The following SCRG1 variants were observed in gnomAD, a reference collection of about 807,000 sequenced individuals.
SCRG1 encodes scrapie-responsive protein 1.
A neutral mutation model predicts 7.7 loss-of-function variants in SCRG1; 3 were observed. The ratio of observed to expected loss-of-function variants is 0.39; its 90% CI spans 0.18 to 1.01. The LOEUF (loss-of-function observed/expected upper bound fraction) is 1.01. Ranked by LOEUF, SCRG1 falls within the 50% of genes least tolerant of loss-of-function variation. The pLI is 0.36. For synonymous variants in SCRG1, 46 were observed against 41.2 expected (o/e 1.12, Z -0.44); for missense variants, 110 against 117.2 (o/e 0.94, Z 0.28).
At chr4:173,412,822 G>A in the SCRG1 span, among the ~76,000 whole-genome samples, 1 of 152,158 alleles carries the variant, frequency 6.6e-6, no homozygotes, top group African/African-American at 2.4e-5. Flanking sequence ...ACCAGAAGCA[G>A]CCAGCTGAAT....
the SCRG1 span, among the ~76,000 whole-genome samples, chr4:173,497,589 A>T: frequency 1.4e-5 from 2 of 145,436 alleles, no homozygotes; most frequent in South Asian, 2.2e-4. Context: ...AATTTTCAAC[A>T]TGGCAGAGAG....
chr4:173,480,196 C>T, the SCRG1 span, among the ~76,000 whole-genome samples: 1 of 152,046 alleles, frequency 6.6e-6, no homozygotes, highest in Non-Finnish European at 1.5e-5. Context: ...AATGTGTAAC[C>T]TGAATCAAGT....
chr4:173,452,666 A>G, the SCRG1 span, among the ~76,000 whole-genome samples: 3 of 152,152 alleles, frequency 2.0e-5, no homozygotes, highest in South Asian at 6.3e-4. Flanking sequence ...TCTTGCACAC[A>G]TGTATTTTTT....
At chr4:173,460,961 A>G in the SCRG1 span, among the ~76,000 whole-genome samples, 1 of 152,326 alleles carries the variant, frequency 6.6e-6, no homozygotes, top group East Asian at 1.9e-4. Flanking sequence ...GATGGTGCCT[A>G]CCAGGGGCAG....
At chr4:173,428,352 C>T in the SCRG1 span, among the ~76,000 whole-genome samples, 3 of 152,160 alleles carry the variant, frequency 2.0e-5, no homozygotes, top group Non-Finnish European at 4.4e-5. Context: ...ACTGGAGTAA[C>T]AGTTTGAAGC....
chr4:173,483,821 TAATA>T, the SCRG1 span, among the ~76,000 whole-genome samples: 20 of 23,462 alleles, frequency 8.5e-4, 7 homozygotes, highest in East Asian at 0.013. Context: ...GTAATATATA[TAATA>T]TATATAATAT....
the SCRG1 span, chr4:173,470,010 C>T: frequency 6.6e-6 from 1 of 151,932 alleles, no homozygotes; most frequent in Non-Finnish European, 1.5e-5. Flanking sequence ...CAGAGCATCT[C>T]TAGCCCAGGA....
the SCRG1 span, among the ~76,000 whole-genome samples, chr4:173,425,947 A>G: frequency 6.6e-6 from 1 of 152,170 alleles, no homozygotes; most frequent in South Asian, 2.1e-4. Flanking sequence ...CTAGCTGTCA[A>G]CACTCCCACT....
At chr4:173,450,125 T>A in the SCRG1 span, among the ~76,000 whole-genome samples, 3 of 152,050 alleles carry the variant, frequency 2.0e-5, no homozygotes, top group Non-Finnish European at 4.4e-5. Flanking sequence ...TGGTGAAAAG[T>A]GAAGGGGAAG....
chr4:173,484,175 T>C, the SCRG1 span, among the ~76,000 whole-genome samples: 1 of 78,684 alleles, frequency 1.3e-5, no homozygotes, highest in African/African-American at 5.0e-5. Context: ...ATATATAATA[T>C]ATAATATATT....
At chr4:173,485,037 T>A in the SCRG1 span, among the ~76,000 whole-genome samples, 412 of 22,216 alleles carry the variant, frequency 0.019, 73 homozygotes, top group African/African-American at 0.082. Context: ...TATTATATAT[T>A]ATATATTATA....
At chr4:173,508,053 T>G in the SCRG1 span, among the ~76,000 whole-genome samples, 1 of 151,850 alleles carries the variant, frequency 6.6e-6, no homozygotes, top group Admixed American at 6.6e-5. The surrounding 1 kb of genome is among the most constrained non-coding windows in gnomAD (Gnocchi z 4.4). Flanking sequence ...CAGTCCGCCC[T>G]GAGAAGAGAG....
upstream of SCRG1, among the ~76,000 whole-genome samples, chr4:173,408,862 G>A (rs1339612954): frequency 2.0e-5 from 3 of 151,800 alleles, no homozygotes; most frequent in South Asian, 2.1e-4. Context: ...ATGTGGTGGC[G>A]GGCGCCTGTG....
intron 1 of SCRG1, among the ~76,000 whole-genome samples, chr4:173,393,624 G>A (rs1157965146): frequency 6.6e-6 from 1 of 152,078 alleles, no homozygotes. Flanking sequence ...GTATATGTCT[G>A]TTAGGTCCAT....
intron 1 of SCRG1, among the ~76,000 whole-genome samples, chr4:173,394,644 CA>C (rs745945312): frequency 4.0e-4 from 51 of 126,542 alleles, no homozygotes; most frequent in East Asian, 1.6e-3. Flanking sequence ...GACTCCGTCT[CA>C]AAAAAAAAAT....
At chr4:173,475,096 A>C in the SCRG1 span, among the ~76,000 whole-genome samples, 1 of 152,112 alleles carries the variant, frequency 6.6e-6, no homozygotes, top group Admixed American at 6.5e-5. Flanking sequence ...ATTCAATTAA[A>C]CTATATCATC....
the SCRG1 span, among the ~76,000 whole-genome samples, chr4:173,491,614 G>A: frequency 6.6e-6 from 1 of 152,146 alleles, no homozygotes; most frequent in African/African-American, 2.4e-5. Context: ...TGCAAGTACA[G>A]GGTTCTAAGG....
chr4:173,426,980 T>C, the SCRG1 span, among the ~76,000 whole-genome samples: 3 of 152,230 alleles, frequency 2.0e-5, no homozygotes, highest in Admixed American at 2.0e-4. Context: ...AATTAAATTA[T>C]ATGCATGTTT....
chr4:173,388,311 A>G lies in SCRG1; in HGVS notation c.*30T>C. On this transcript the variant is annotated 3_prime_UTR_variant, in exon 3 of 3. Transcript: ENST00000296506. The stretch of plus-strand genomic sequence containing the variant: ...GTAGTGCAGTTTGTGGGAAATCAGG[A>G]ATGGTGTTCTCCAGAATACATGAAG... 1.3e-6 allele frequency: 2 copies of G among 1,560,602 alleles called. No individual in the cohort carries two copies. The highest frequency in any genetic ancestry group is 2.7e-5 in the African/African-American group (2 of 73,870).
Sources: allele counts gnomAD v4.1 joint callset (sites outside exome capture counted in the v4.1 genomes callset), GRCh38; gene constraint gnomAD v4.1.1; non-coding constraint Gnocchi (gnomAD v3.1); transcripts MANE v1.5; gene names NCBI Gene and HGNC (gene_info 2026-07-23, HGNC 2026-07-21).